HIP1: variants seen among roughly 807,000 people sequenced by gnomAD.
HIP1 encodes huntingtin-interacting protein 1.
Under a neutral mutation model 147.6 loss-of-function variants are expected in HIP1, and 65 were observed. That is an observed-to-expected ratio of 0.44 (90% CI 0.36 to 0.54). The LOEUF (loss-of-function observed/expected upper bound fraction) is 0.54, where lower values mean the gene tolerates loss of function less well. Ranked by LOEUF, HIP1 falls within the 20% of genes least tolerant of loss-of-function variation. HIP1 has a pLI of 0.00. For synonymous variants in HIP1, 479 were observed against 504.0 expected (o/e 0.95, Z 0.67); for missense variants, 1,061 against 1,299.6 (o/e 0.82, Z 2.82).
intron 4 of HIP1, among the ~76,000 whole-genome samples, chr7:75,589,483 G>A (rs966096708): frequency 2.0e-5 from 3 of 151,580 alleles, no homozygotes; most frequent in Non-Finnish European, 4.4e-5. Flanking sequence ...TCAGGAGTTC[G>A]AGACCAGCCT....
chr7:75,620,315 G>A (rs1168574696), intron 1 of HIP1, among the ~76,000 whole-genome samples: 2 of 151,508 alleles, frequency 1.3e-5, no homozygotes, highest in Non-Finnish European at 2.9e-5. Flanking sequence ...GAGCTCAGGA[G>A]GCAGAAGTTG....
intron 1 of HIP1, among the ~76,000 whole-genome samples, chr7:75,653,550 AG>A (rs1799060121): frequency 3.3e-5 from 5 of 152,032 alleles, no homozygotes; most frequent in Admixed American, 3.3e-4. Context: ...GCTAATCAGG[AG>A]GCTGAGGCAG....
rs1418997862 is a variant in HIP1 at position 75,612,106 on chromosome 7, G to A, written c.121-12859C>T. Among the ~76,000 whole-genome samples the A allele has an allele frequency of 2.0e-5, 3 of 152,238 alleles. No individual in the cohort carries two copies. The East Asian group carries it at 5.8e-4, about 29-fold the overall frequency. The stretch of plus-strand genomic sequence containing the variant: ...CTGGCTCACAAAGGTCCCACGGCAG[G>A]AGCAGGCACGGGGATGTGCCCCGGG... On this transcript the variant is annotated intron_variant, in intron 1 of 30. Transcript: ENST00000336926.
At chr7:75,716,189 CA>C (rs1321899739) in intron 1 of HIP1, among the ~76,000 whole-genome samples, 2 of 151,994 alleles carry the variant, frequency 1.3e-5, no homozygotes, top group African/African-American at 2.4e-5. Flanking sequence ...TGGAAAGTTC[CA>C]GACAAAAACA....
chr7:75,601,767 C>T (rs1796985830), intron 1 of HIP1, among the ~76,000 whole-genome samples: 1 of 152,140 alleles, frequency 6.6e-6, no homozygotes, highest in African/African-American at 2.4e-5. Context: ...ACCATGCGGC[C>T]TGCAAAGCCT....
At position 75,547,041 on chromosome 7, in the gene HIP1, C is replaced by T; in HGVS notation, c.2466-9G>A. On this transcript the variant is annotated splice_polypyrimidine_tract_variant and intron_variant, in intron 24 of 30. Coordinates refer to ENST00000336926, the MANE Select transcript of HIP1 (RefSeq NM_005338.7). ...TACAGCAACCAAGGATCCTGCCAAA[C>T]AAACAAGTCGAGGATACACTGAGAT... The T allele has an allele frequency of 6.4e-7, 1 of 1,569,604 alleles. No homozygotes were observed. Among genetic ancestry groups the T allele is most frequent in the East Asian group, 2.3e-5 (1 of 43,480 alleles).
chr7:75,625,305 A>G (rs1554507828), intron 1 of HIP1: 1 of 152,266 alleles, frequency 6.6e-6, no homozygotes, highest in Non-Finnish European at 1.5e-5. Flanking sequence ...TGTTGCATTA[A>G]GTCAACTCAC....
At chr7:75,730,278 G>A (rs1290724882) in intron 1 of HIP1, among the ~76,000 whole-genome samples, 8 of 151,978 alleles carry the variant, frequency 5.3e-5, no homozygotes, top group Non-Finnish European at 1.2e-4. Flanking sequence ...AGTGACAGAA[G>A]GACAAACAGA....
intron 1 of HIP1, chr7:75,626,258 A>G (rs1584896075): frequency 6.6e-6 from 1 of 152,310 alleles, no homozygotes; most frequent in East Asian, 1.9e-4. Context: ...CCAGCTTGAA[A>G]CACATTAGCA....
intron 1 of HIP1, among the ~76,000 whole-genome samples, chr7:75,610,840 TA>T (rs1292186861): frequency 6.8e-6 from 1 of 147,518 alleles, no homozygotes; most frequent in Non-Finnish European, 1.5e-5. Flanking sequence ...CCATCACTAT[TA>T]AAAAATATAT....
intron 1 of HIP1, among the ~76,000 whole-genome samples, chr7:75,676,182 T>C (rs529243794): frequency 3.9e-5 from 6 of 152,322 alleles, no homozygotes; most frequent in Non-Finnish European, 7.3e-5. Context: ...TTCTACATCA[T>C]GTGTGGCCAC....
chr7:75,728,457 CAGG>C (rs1246649028), intron 1 of HIP1, among the ~76,000 whole-genome samples: 1 of 152,212 alleles, frequency 6.6e-6, no homozygotes, highest in Non-Finnish European at 1.5e-5. Context: ...CTCCTTGATG[CAGG>C]AGGAGAGCTG....
intron 26 of HIP1, 132 bp downstream of exon 26, chr7:75,544,956 C>A: frequency 2.7e-6 from 2 of 753,886 alleles, no homozygotes; most frequent in Non-Finnish European, 4.5e-6. Flanking sequence ...CTTGTAAACT[C>A]GGTCCTATTG....
At chr7:75,601,611 A>C (rs1479900026) in intron 1 of HIP1, among the ~76,000 whole-genome samples, 3 of 118,712 alleles carry the variant, frequency 2.5e-5, no homozygotes, top group African/African-American at 1.0e-4. Context: ...TCTCAACAAC[A>C]ACAACAAAAA....
At chr7:75,573,051 G>A (rs868911708) in intron 8 of HIP1, among the ~76,000 whole-genome samples, 9 of 152,218 alleles carry the variant, frequency 5.9e-5, no homozygotes, top group Admixed American at 2.0e-4. Context: ...GCGGGTCCCC[G>A]GTGGGGGCCG....
intron 1 of HIP1, among the ~76,000 whole-genome samples, chr7:75,607,266 G>C (rs587738783): frequency 1.5e-5 from 2 of 137,336 alleles, no homozygotes; most frequent in East Asian, 4.3e-4. Flanking sequence ...GTCTTGCTCT[G>C]TTGCCCAGGC....
At chr7:75,613,040 G>T (rs1035351551) in intron 1 of HIP1, among the ~76,000 whole-genome samples, 9 of 151,892 alleles carry the variant, frequency 5.9e-5, no homozygotes, top group Non-Finnish European at 1.2e-4. Context: ...GAAGTTCAAG[G>T]TTGCAGTGAG....
chr7:75,608,813 C>T (rs782682571), intron 1 of HIP1, among the ~76,000 whole-genome samples: 4 of 152,116 alleles, frequency 2.6e-5, no homozygotes, highest in Non-Finnish European at 4.4e-5. Flanking sequence ...ACTTCTAGGT[C>T]TCTTCCCATT....
At chr7:75,691,210 C>A (rs951356917) in intron 1 of HIP1, among the ~76,000 whole-genome samples, 1 of 152,098 alleles carries the variant, frequency 6.6e-6, no homozygotes, top group African/African-American at 2.4e-5. Flanking sequence ...AGAAAAGGGC[C>A]GGGCATGGTG....
Sources: gnomAD v4.1 joint callset for allele counts (sites outside exome capture counted in the v4.1 genomes callset) on GRCh38, gnomAD v4.1.1 for gene constraint, MANE v1.5 for transcripts, NCBI Gene and HGNC (gene_info 2026-07-23, HGNC 2026-07-21) for gene names.